Variants in ARHGEF10 observed in about 807,000 individuals in gnomAD.
The protein encoded by ARHGEF10 is Rho guanine nucleotide exchange factor (GEF) 10.
ARHGEF10 carries 140 observed loss-of-function variants against 147.4 expected under a neutral mutation model. The ratio of observed to expected loss-of-function variants is 0.95; its 90% CI spans 0.83 to 1.09. The LOEUF (loss-of-function observed/expected upper bound fraction) is 1.09. Ranked by LOEUF, ARHGEF10 falls within the 50% of genes least tolerant of loss-of-function variation. The probability of loss-of-function intolerance (pLI) is 0.00; values close to 1 mark genes in which losing one functional copy is unlikely to be tolerated. For missense variants in ARHGEF10, 2,222 were observed against 1,752.7 expected, an observed-to-expected ratio of 1.27 and a Z score of -4.78; for synonymous variants, 902 against 695.8, an observed-to-expected ratio of 1.30 and a Z score of -4.67.
At chr8:1,940,145 C>T (rs116787769) in intron 26 of ARHGEF10, among the ~76,000 whole-genome samples, 204 of 152,106 alleles carry the variant, frequency 1.3e-3, no homozygotes, top group African/African-American at 4.7e-3. Context: ...GTCAAAAGCC[C>T]GAGGAAAGAA....
chr8:1,831,717 G>A (rs1039518530), intron 1 of ARHGEF10, among the ~76,000 whole-genome samples: 2 of 152,240 alleles, frequency 1.3e-5, no homozygotes, highest in African/African-American at 4.8e-5. Flanking sequence ...CCTGTGCTGC[G>A]GCTCATGTAC....
chr8:1,854,674 T>A (rs1165042635), intron 2 of ARHGEF10, among the ~76,000 whole-genome samples: 1 of 152,174 alleles, frequency 6.6e-6, no homozygotes, highest in Non-Finnish European at 1.5e-5. Context: ...ATTGCTTTGA[T>A]TTCCCTTGTA....
intron 17 of ARHGEF10, among the ~76,000 whole-genome samples, chr8:1,907,885 G>A (rs966161425): frequency 1.3e-5 from 2 of 152,114 alleles, no homozygotes; most frequent in Non-Finnish European, 1.5e-5. Context: ...CCCTTTGGTC[G>A]GCCCTGTGAA....
At chr8:1,919,431 C>G (rs938391232) in intron 18 of ARHGEF10, among the ~76,000 whole-genome samples, 1 of 132,960 alleles carries the variant, frequency 7.5e-6, no homozygotes, top group Non-Finnish European at 1.5e-5. Context: ...GGTGATGGAG[C>G]TGTTCCATGG....
rs1460016384 is a variant in ARHGEF10, at chr8:1,864,366, C to T, written c.482-7C>T. 9 of 1,613,944 alleles carry T rather than the reference C, an allele frequency of 5.6e-6. No homozygotes were observed. Among genetic ancestry groups the T allele is most frequent in the South Asian group, 1.1e-5 (1 of 91,082 alleles). ...AAAGCAGCATCACATATTTTCTTTC[C>T]CAGCAGAAACACCAGAAGTCACAGA... is the stretch of plus-strand genomic sequence containing the variant. On this transcript the variant is annotated splice_polypyrimidine_tract_variant and splice_region_variant and intron_variant, in intron 4 of 28. Transcript: ENST00000349830.
intron 24 of ARHGEF10, 122 bp from the exon 25 acceptor site, chr8:1,929,164 C>T (rs1812914791): frequency 1.8e-6 from 2 of 1,100,648 alleles, no homozygotes; most frequent in Non-Finnish European, 2.7e-6. Context: ...GCAAGTGTCC[C>T]TAGGAATGGA....
rs1810640236 is a variant in ARHGEF10, at chr8:1,903,454, T to G, written c.1821+3T>G. ...TAAACGAAAGATACCTGAACAAGGTTGAGAGAGGTTTTCTTCAACTCTATT... is the reference window on the plus strand; with the variant it reads ...TAAACGAAAGATACCTGAACAAGGTGGAGAGAGGTTTTCTTCAACTCTATT... On this transcript the variant is annotated splice_donor_region_variant and intron_variant, in intron 16 of 28. Coordinates refer to ENST00000349830, the MANE Select transcript of ARHGEF10 (RefSeq NM_014629.4). 1 of 1,614,068 alleles carries G rather than the reference T, an allele frequency of 6.2e-7. No individual in the cohort carries two copies. Among genetic ancestry groups the G allele is most frequent in the Non-Finnish European group, 8.5e-7 (1 of 1,180,030 alleles).
rs188636886 is a variant in ARHGEF10, at chr8:1,942,649, G to A, written c.3223-2832G>A. Among the ~76,000 whole-genome samples, 43 of 152,290 alleles carry A rather than the reference G, an allele frequency of 2.8e-4. No homozygotes were observed. In the East Asian group the frequency reaches 7.9e-3, roughly 28 times the overall value. On this transcript the variant is annotated intron_variant, in intron 26 of 28. Coordinates refer to ENST00000349830, the MANE Select transcript of ARHGEF10 (RefSeq NM_014629.4). The stretch of plus-strand genomic sequence containing the variant: ...ACTCATGCAGACACGAATTATCATA[G>A]CAGTGTTATTTATAGTCAAAAAGCG...
intron 1 of ARHGEF10, among the ~76,000 whole-genome samples, chr8:1,831,548 G>GTGGAGGGACAGTGTGACATTCA (rs1803110236): frequency 4.8e-5 from 7 of 145,160 alleles, no homozygotes; most frequent in African/African-American, 1.8e-4. Flanking sequence ...TGTGACGGCC[G>GTGGAGGGACAGTGTGACATTCA]TGGAGGGACA....
intron 10 of ARHGEF10, among the ~76,000 whole-genome samples, chr8:1,883,184 A>C (rs1221631111): frequency 6.6e-6 from 1 of 152,126 alleles, no homozygotes; most frequent in Non-Finnish European, 1.5e-5. Flanking sequence ...CTGAAGTTCC[A>C]GGTTTTTCTA....
intron 14 of ARHGEF10, among the ~76,000 whole-genome samples, chr8:1,897,602 C>T (rs1176744282): frequency 1.3e-5 from 2 of 151,394 alleles, no homozygotes; most frequent in African/African-American, 4.9e-5. Flanking sequence ...CCACTCTCGA[C>T]AGTTGTGGGC....
intron 2 of ARHGEF10, among the ~76,000 whole-genome samples, chr8:1,853,276 G>T (rs2129063867): frequency 6.6e-6 from 1 of 152,330 alleles, no homozygotes; most frequent in African/African-American, 2.4e-5. Context: ...TTCCCTGCCA[G>T]CTGCCTACCC....
At chr8:1,888,461 T>A (rs1284930209) in intron 11 of ARHGEF10, among the ~76,000 whole-genome samples, 1 of 108,804 alleles carries the variant, frequency 9.2e-6, no homozygotes, top group African/African-American at 4.3e-5. Context: ...CTGAGTGGGG[T>A]GAGGGGTATT....
In ARHGEF10 at chr8:1,882,628, G is replaced by A. The variant is rs2280886; in HGVS notation, c.961-7G>A. The stretch of plus-strand genomic sequence containing the variant: ...GTCCCGTTCTCACATCTCCCTCTCC[G>A]TCGCAGATGCAGAAGCTCGTGAAGG... On this transcript the variant is annotated splice_polypyrimidine_tract_variant and splice_region_variant and intron_variant, in intron 9 of 28. Transcript: ENST00000349830. 237,869 of 1,551,332 alleles carry A rather than the reference G, an allele frequency of 0.15. 20,411 individuals are homozygous for A. Among genetic ancestry groups the A allele is most frequent in the East Asian group, 0.29 (11,752 of 41,028 alleles).
chr8:1,856,306 C>A (rs1805548375), intron 2 of ARHGEF10, among the ~76,000 whole-genome samples: 1 of 152,156 alleles, frequency 6.6e-6, no homozygotes, highest in Non-Finnish European at 1.5e-5. Flanking sequence ...GGAAGCAGTT[C>A]CAGAAAGCTC....
intron 7 of ARHGEF10, among the ~76,000 whole-genome samples, chr8:1,874,489 T>C (rs189322814): frequency 5.6e-4 from 86 of 152,370 alleles, no homozygotes; most frequent in Admixed American, 4.1e-3. Flanking sequence ...ACCATGTCTG[T>C]GTAGACTTGT....
intron 6 of ARHGEF10, among the ~76,000 whole-genome samples, 169 bp from the exon 7 acceptor site, chr8:1,869,025 C>T (rs746673728): frequency 1.4e-4 from 22 of 151,972 alleles, no homozygotes; most frequent in Non-Finnish European, 2.9e-4. Context: ...CCCTCATTGT[C>T]TACTAGTTGG....
At chr8:1,879,854 A>G (rs1309588029) in intron 8 of ARHGEF10, among the ~76,000 whole-genome samples, 194 bp from the exon 9 acceptor site, 3 of 152,082 alleles carry the variant, frequency 2.0e-5, no homozygotes, top group Non-Finnish European at 2.9e-5. Flanking sequence ...CGCCCAGCCA[A>G]CTATTTGTGC....
intron 7 of ARHGEF10, among the ~76,000 whole-genome samples, chr8:1,874,326 G>A (rs552412543): frequency 1.3e-5 from 2 of 152,306 alleles, no homozygotes; most frequent in South Asian, 2.1e-4. Context: ...GCCTGATCCT[G>A]TGGCTGGGTC....
Sources: allele counts gnomAD v4.1 joint callset (sites outside exome capture counted in the v4.1 genomes callset), GRCh38; gene constraint gnomAD v4.1.1; transcripts MANE v1.5; gene names NCBI Gene and HGNC (gene_info 2026-07-23, HGNC 2026-07-21).